The following LRP5 variants were observed in gnomAD, a reference collection of about 807,000 sequenced individuals.
LRP5 encodes the protein low-density lipoprotein receptor-related protein 5.
In LRP5, 62 loss-of-function variants were observed where a neutral mutation model predicts 154.1. The observed-to-expected ratio is 0.40, with a 90% confidence interval of 0.33 to 0.50. The LOEUF (loss-of-function observed/expected upper bound fraction) is 0.50, where lower values mean the gene tolerates loss of function less well. Ranked by LOEUF, LRP5 falls within the 20% of genes least tolerant of loss-of-function variation. LRP5 has a pLI of 0.55. For synonymous variants in LRP5, 966 were observed against 1,011.5 expected (o/e 0.96, Z 0.85); for missense variants, 1,915 against 2,336.7 (o/e 0.82, Z 3.72).
chr11:68,438,529 G>C lies in LRP5; in HGVS notation c.4195G>C (p.Val1399Leu), dbSNP rs113315676. The stretch of plus-strand genomic sequence containing the variant: ...CATTGGCATCATCCTCTCTCTCTTC[G>C]TCATGGGTGGTGTCTATTTTGTGTG... Reference protein sequence around the residue: ...PVIGIILSLFVMGGVYFVCQR... With the variant: ...PVIGIILSLFLMGGVYFVCQR... The change falls in exon 20 of 23, where the codon GTC (valine) becomes CTC (leucine). Residue 1399 changes from valine to leucine, a missense_variant. Around this residue, in one of 3 missense-constraint regions of LRP5, gnomAD observed 1,094 missense variants for 1,210.1 expected, o/e 0.90. Transcript: ENST00000294304. 1 of 1,614,074 alleles carries C rather than the reference G, an allele frequency of 6.2e-7. No homozygotes were observed. Among genetic ancestry groups the C allele is most frequent in the Non-Finnish European group, 8.5e-7 (1 of 1,180,042 alleles).
Position 68,409,951 on chromosome 11 carries a change from A to C in LRP5, c.2129A>C (p.Glu710Ala). The C allele has an allele frequency of 1.9e-6, 3 of 1,613,574 alleles. No homozygotes were observed. The highest frequency in any genetic ancestry group is 2.5e-6 in the Non-Finnish European group (3 of 1,179,974). The change falls in exon 10 of 23, where the codon GAG becomes GCG. Residue 710 changes from glutamate (E) to alanine (A), a missense_variant. Around this residue, in one of 3 missense-constraint regions of LRP5, gnomAD observed 773 missense variants for 1,100.9 expected, o/e 0.70. Transcript: ENST00000294304. ...SRAFMNGSSV[E>A]HVVEFGLDYP... ...GCCTTCATGAACGGGAGCTCGGTGG[A>C]GCACGTGGTGGAGTTTGGCCTTGAC...
chr11:68,317,460 G>A (rs2098594075), intron 1 of LRP5, among the ~76,000 whole-genome samples: 1 of 152,214 alleles, frequency 6.6e-6, no homozygotes, highest in Non-Finnish European at 1.5e-5. Context: ...GCTCTGTGCT[G>A]GTTGCCCCCG....
chr11:68,443,585 ATTTTT>A (rs1219762322), intron 21 of LRP5, among the ~76,000 whole-genome samples: 7 of 24,848 alleles, frequency 2.8e-4, no homozygotes, highest in East Asian at 1.5e-3. Flanking sequence ...ATATATATAT[ATTTTT>A]TTTTTTTTTG....
At chr11:68,329,370 C>A (rs1187884964) in intron 1 of LRP5, among the ~76,000 whole-genome samples, 1 of 152,120 alleles carries the variant, frequency 6.6e-6, no homozygotes, top group Non-Finnish European at 1.5e-5. Context: ...ATTTTACAGA[C>A]GAAGAAACTG....
intron 7 of LRP5, among the ~76,000 whole-genome samples, chr11:68,394,389 G>T (rs968877215): frequency 6.6e-6 from 1 of 151,542 alleles, no homozygotes; most frequent in Non-Finnish European, 1.5e-5. Context: ...CAGGGGGGTC[G>T]CAGGAGCTCA....
intron 6 of LRP5, among the ~76,000 whole-genome samples, chr11:68,388,324 T>C (rs1276947487): frequency 6.6e-6 from 1 of 152,022 alleles, no homozygotes; most frequent in Non-Finnish European, 1.5e-5. Context: ...CTCGGTGTCC[T>C]CATCTGTGAA....
upstream of LRP5, among the ~76,000 whole-genome samples, chr11:68,311,967 G>T (rs1222398872): frequency 6.6e-6 from 1 of 152,236 alleles, no homozygotes; most frequent in Non-Finnish European, 1.5e-5. Flanking sequence ...AGAGGCCCTG[G>T]CGGGCTTGTT....
intron 1 of LRP5, among the ~76,000 whole-genome samples, chr11:68,333,475 C>T (rs908720712): frequency 3.5e-4 from 54 of 152,296 alleles, no homozygotes; most frequent in African/African-American, 1.2e-3. Flanking sequence ...TGATTTCTCC[C>T]TGGTCCCTGT....
chr11:68,321,058 GTTTTTTTTTT>G (rs36049256), intron 1 of LRP5, among the ~76,000 whole-genome samples: 28 of 119,796 alleles, frequency 2.3e-4, no homozygotes, highest in Non-Finnish European at 4.3e-4. Context: ...TTCTGTCTGG[GTTTTTTTTTT>G]TTTTTTTTTT....
chr11:68,344,491 T>C (rs1385651369), intron 1 of LRP5, among the ~76,000 whole-genome samples: 2 of 151,644 alleles, frequency 1.3e-5, no homozygotes, highest in East Asian at 1.9e-4. Flanking sequence ...AGCTAATTTT[T>C]GTATTTTTAG....
At chr11:68,360,462 C>T (rs78291605) in intron 3 of LRP5, among the ~76,000 whole-genome samples, 3,640 of 152,328 alleles carry the variant, frequency 0.024, 112 homozygotes, top group African/African-American at 0.073. Context: ...TGCTTCCCCG[C>T]GGGATTCTTC....
At chr11:68,407,855 A>G (rs577466536) in intron 9 of LRP5, among the ~76,000 whole-genome samples, 1 of 152,180 alleles carries the variant, frequency 6.6e-6, no homozygotes, top group East Asian at 1.9e-4. Context: ...CTCAGAAAAA[A>G]AAAAGTTTGA....
chr11:68,401,460 T>C (rs904876780), intron 7 of LRP5, among the ~76,000 whole-genome samples: 4 of 152,212 alleles, frequency 2.6e-5, no homozygotes, highest in African/African-American at 9.7e-5. Context: ...CCCTGGGCTA[T>C]CCGATTCTGA....
chr11:68,386,306 G>A lies in LRP5; in HGVS notation c.1016-10G>A, dbSNP rs1271777311. 53 of 1,610,466 alleles carry A rather than the reference G, an allele frequency of 3.3e-5. No individual in the cohort carries two copies. Among genetic ancestry groups the A allele is most frequent in the Non-Finnish European group, 4.5e-5 (53 of 1,179,986 alleles). On this transcript the variant is annotated splice_polypyrimidine_tract_variant and intron_variant, in intron 5 of 22. Transcript: ENST00000294304. The surrounding 1 kb of genome is among the most constrained non-coding windows in gnomAD (Gnocchi z 7.9). ...CTTGACCCCTGACCCCATTGCACCT[G>A]TCTCCACAGGAGCCGAGGAGGTGCT...
intron 16 of LRP5, among the ~76,000 whole-genome samples, chr11:68,429,323 G>A (rs916734965): frequency 6.6e-6 from 1 of 152,204 alleles, no homozygotes; most frequent in Non-Finnish European, 1.5e-5. Flanking sequence ...AGAGACTGGT[G>A]CAGACAGGCT....
intron 21 of LRP5, chr11:68,445,707 G>A (rs1262472490): frequency 7.7e-7 from 1 of 1,291,310 alleles, no homozygotes. Flanking sequence ...GTGTGGGTGT[G>A]TGGGCCCAGG....
At chr11:68,303,733 T>A in the LRP5 span, among the ~76,000 whole-genome samples, 290 of 152,308 alleles carry the variant, frequency 1.9e-3, 1 homozygote, top group African/African-American at 6.8e-3. Flanking sequence ...GATCTCGTGA[T>A]CTGCCCACCT....
intron 8 of LRP5, 118 bp from the exon 9 acceptor site, chr11:68,406,406 T>G: frequency 2.4e-5 from 27 of 1,144,072 alleles, no homozygotes; most frequent in Non-Finnish European, 3.3e-5. Flanking sequence ...GGGTGAGTCC[T>G]GAGCTCGGCA....
At chr11:68,324,226 C>T (rs1198789823) in intron 1 of LRP5, among the ~76,000 whole-genome samples, 2 of 152,250 alleles carry the variant, frequency 1.3e-5, no homozygotes, top group East Asian at 1.9e-4. Context: ...TACCTGGCTG[C>T]GGGCGGAACA....
Sources: allele counts gnomAD v4.1 joint callset (sites outside exome capture counted in the v4.1 genomes callset), GRCh38; gene constraint gnomAD v4.1.1; regional missense constraint gnomAD v4.1.1; non-coding constraint Gnocchi (gnomAD v3.1); transcripts MANE v1.5; gene names NCBI Gene and HGNC (gene_info 2026-07-23, HGNC 2026-07-21).